KDM4C: variants seen among roughly 807,000 people sequenced by gnomAD.
The protein encoded by KDM4C is lysine demethylase 4C, also known as lysine-specific demethylase 4C.
KDM4C carries 81 observed loss-of-function variants against 129.3 expected under a neutral mutation model. The observed-to-expected ratio is 0.63, with a 90% CI of 0.52 to 0.75. The LOEUF is 0.75. KDM4C is among the 30% of genes least tolerant of loss of function. KDM4C has a pLI of 0.00. For synonymous variants in KDM4C, 573 were observed against 456.1 expected (o/e 1.26, Z -3.26); for missense variants, 1,457 against 1,304.0 (o/e 1.12, Z -1.81).
At chr9:6,851,315 C>A (rs1838805214) in intron 5 of KDM4C, among the ~76,000 whole-genome samples, 2 of 152,116 alleles carry the variant, frequency 1.3e-5, no homozygotes, top group South Asian at 4.1e-4. Context: ...TGAGCACATG[C>A]TTAAGGACAG....
At chr9:6,888,505 A>G (rs1347152748) in intron 7 of KDM4C, among the ~76,000 whole-genome samples, 3 of 152,200 alleles carry the variant, frequency 2.0e-5, no homozygotes, top group Non-Finnish European at 4.4e-5. Flanking sequence ...TTCATTATGG[A>G]TAAAATTGCC....
intron 19 of KDM4C, among the ~76,000 whole-genome samples, chr9:7,133,843 G>A (rs749032607): frequency 6.6e-6 from 1 of 152,214 alleles, no homozygotes; most frequent in Non-Finnish European, 1.5e-5. Context: ...CTAGAACAGA[G>A]TTGTTCCCAG....
chr9:7,045,366 T>A (rs965170610), intron 15 of KDM4C, among the ~76,000 whole-genome samples: 13 of 152,102 alleles, frequency 8.5e-5, no homozygotes, highest in African/African-American at 3.1e-4. Flanking sequence ...TCTTCATGTA[T>A]ACAACGAAAG....
chr9:6,869,999 G>A (rs146865866), intron 5 of KDM4C, among the ~76,000 whole-genome samples: 3 of 152,284 alleles, frequency 2.0e-5, no homozygotes, highest in East Asian at 1.9e-4. Flanking sequence ...TAACATAGTC[G>A]CATCTATAAA....
chr9:7,144,133 G>C (rs1219688355), intron 19 of KDM4C, among the ~76,000 whole-genome samples: 1 of 137,392 alleles, frequency 7.3e-6, no homozygotes, highest in Non-Finnish European at 1.6e-5. Flanking sequence ...TGTTTTTTTT[G>C]TGTGACTAGG....
At chr9:6,832,485 G>T (rs1177843459) in intron 4 of KDM4C, among the ~76,000 whole-genome samples, 2 of 141,846 alleles carry the variant, frequency 1.4e-5, no homozygotes, top group Non-Finnish European at 3.1e-5. Context: ...GAGTGCAGTG[G>T]TGCAATCTCA....
At chr9:7,146,546 T>C (rs764766048) in intron 19 of KDM4C, among the ~76,000 whole-genome samples, 21 of 152,374 alleles carry the variant, frequency 1.4e-4, no homozygotes, top group Middle Eastern at 6.8e-3. Flanking sequence ...TACACTGTTA[T>C]TCCTTATGTA....
chr9:7,073,328 T>G (rs553475876), intron 17 of KDM4C, among the ~76,000 whole-genome samples: 1 of 152,262 alleles, frequency 6.6e-6, no homozygotes, highest in Non-Finnish European at 1.5e-5. Context: ...TATGCGATGT[T>G]AGCACAATGG....
Position 6,878,518 on chromosome 9 carries a change from G to C in KDM4C, c.630-1494G>C, listed in dbSNP as rs553804784. Among the ~76,000 whole-genome samples the C allele has an allele frequency of 8.5e-5, 13 of 152,298 alleles. No homozygotes were observed. In the South Asian group the frequency reaches 2.5e-3, roughly 29 times the overall value. ...TGAATTGGTATGATTCAGATCCTAG[G>C]AGTAAACTGAGGATCAGAGTAGGAG... On this transcript the variant is annotated intron_variant, in intron 5 of 21. Coordinates refer to ENST00000381309, the MANE Select transcript of KDM4C (RefSeq NM_015061.6).
intron 8 of KDM4C, among the ~76,000 whole-genome samples, chr9:6,916,448 G>GT (rs535682445): frequency 1.3e-3 from 192 of 151,480 alleles, no homozygotes; most frequent in African/African-American, 2.5e-3. Flanking sequence ...TTCTTAATTT[G>GT]TTTTTTTATA....
chr9:6,838,720 A>G (rs183902160), intron 4 of KDM4C, among the ~76,000 whole-genome samples: 20 of 151,884 alleles, frequency 1.3e-4, no homozygotes, highest in African/African-American at 4.8e-4. Flanking sequence ...TGCAAAAGGG[A>G]AAATAGTTTT....
At chr9:6,733,968 G>C (rs908779492) in intron 1 of KDM4C, among the ~76,000 whole-genome samples, 1 of 152,134 alleles carries the variant, frequency 6.6e-6, no homozygotes, top group African/African-American at 2.4e-5. Context: ...GTTTTAGCCG[G>C]CGTCTTTACT....
At chr9:6,959,734 G>A (rs1275155702) in intron 8 of KDM4C, among the ~76,000 whole-genome samples, 1 of 152,120 alleles carries the variant, frequency 6.6e-6, no homozygotes, top group Non-Finnish European at 1.5e-5. Flanking sequence ...TAGGCTACAC[G>A]AATTATGACT....
intron 1 of KDM4C, among the ~76,000 whole-genome samples, chr9:6,785,538 C>T (rs972863364): frequency 6.6e-6 from 1 of 152,044 alleles, no homozygotes; most frequent in Non-Finnish European, 1.5e-5. Context: ...AGGGTTTTGC[C>T]GTATTGGCCA....
At chr9:7,012,744 T>TC (rs1822940812) in intron 13 of KDM4C, among the ~76,000 whole-genome samples, 1 of 152,224 alleles carries the variant, frequency 6.6e-6, no homozygotes, top group Non-Finnish European at 1.5e-5. Context: ...TTTTTAGGAA[T>TC]CTCGTAAGGG....
At chr9:6,835,009 G>T in intron 4 of KDM4C, 1 of 953,572 alleles carries the variant, frequency 1.0e-6, no homozygotes, top group Non-Finnish European at 1.7e-6. Context: ...GCCGGGACCT[G>T]ACTACCTCAT....
chr9:6,907,828 G>A (rs997834700), intron 8 of KDM4C, among the ~76,000 whole-genome samples: 57 of 152,120 alleles, frequency 3.7e-4, no homozygotes, highest in African/African-American at 1.4e-3. Flanking sequence ...TATTGGCTTT[G>A]GCTATGTATT....
intron 17 of KDM4C, among the ~76,000 whole-genome samples, chr9:7,058,692 T>C (rs1476528304): frequency 6.6e-6 from 1 of 152,224 alleles, no homozygotes; most frequent in Non-Finnish European, 1.5e-5. Context: ...TGGTTAATTA[T>C]ATTAAGTCTG....
intron 8 of KDM4C, among the ~76,000 whole-genome samples, chr9:6,934,498 A>G (rs111563081): frequency 0.25 from 37,657 of 149,618 alleles, 5,228 homozygotes; most frequent in South Asian, 0.39. Context: ...AAAATTGGAT[A>G]ATTTTATCTA....
Sources: allele counts gnomAD v4.1 joint callset (sites outside exome capture counted in the v4.1 genomes callset), GRCh38; gene constraint gnomAD v4.1.1; transcripts MANE v1.5; gene names NCBI Gene and HGNC (gene_info 2026-07-23, HGNC 2026-07-21).